ERG: variants seen among roughly 807,000 people sequenced by gnomAD.
The protein encoded by ERG is transcriptional regulator ERG.
In ERG, 9 loss-of-function variants were observed where a neutral mutation model predicts 55.3. That is an observed-to-expected ratio of 0.16 (90% confidence interval 0.10 to 0.28). ERG has a LOEUF of 0.28. Among genes scored for constraint, ERG ranks in the 10% least tolerant of loss-of-function variants. The probability of loss-of-function intolerance (pLI) is 1.00; values close to 1 mark genes in which losing one functional copy is unlikely to be tolerated. For missense variants in ERG, 434 were observed against 631.6 expected, an observed-to-expected ratio of 0.69 and a Z score of 3.35; for synonymous variants, 223 against 237.3, an observed-to-expected ratio of 0.94 and a Z score of 0.55.
intron 1 of ERG, among the ~76,000 whole-genome samples, chr21:38,651,575 A>G: frequency 6.6e-6 from 1 of 152,368 alleles, no homozygotes; most frequent in South Asian, 2.1e-4. Context: ...TATTTTCAGC[A>G]TGTGTTACAT....
At chr21:38,435,726 C>T (rs918478040) in intron 2 of ERG, among the ~76,000 whole-genome samples, 44 of 152,264 alleles carry the variant, frequency 2.9e-4, no homozygotes, top group African/African-American at 9.9e-4. Flanking sequence ...CAGCCAAAAA[C>T]GAATGCCAGC....
At chr21:38,495,683 C>G (rs1487677227) in intron 1 of ERG, among the ~76,000 whole-genome samples, 1 of 152,020 alleles carries the variant, frequency 6.6e-6, no homozygotes, top group Non-Finnish European at 1.5e-5. Context: ...AAGTATTATT[C>G]TGAGAAAGGA....
At chr21:38,454,204 CT>C (rs2058967226) in intron 1 of ERG, among the ~76,000 whole-genome samples, 1 of 152,042 alleles carries the variant, frequency 6.6e-6, no homozygotes, top group South Asian at 2.1e-4. Flanking sequence ...TTTTTCTTTG[CT>C]TTTTTTAATC....
chr21:38,659,578 A>G (rs930220301), intron 1 of ERG, among the ~76,000 whole-genome samples: 14 of 152,394 alleles, frequency 9.2e-5, no homozygotes, highest in Admixed American at 7.2e-4. Context: ...TATGTCACCC[A>G]GGGAAGAATA....
chr21:38,576,013 A>G (rs996304813), intron 1 of ERG, among the ~76,000 whole-genome samples: 6 of 152,250 alleles, frequency 3.9e-5, no homozygotes, highest in Non-Finnish European at 8.8e-5. Flanking sequence ...GCTAACCCAC[A>G]TCACATGCAG....
At chr21:38,640,708 T>C (rs2060419142) in intron 1 of ERG, among the ~76,000 whole-genome samples, 1 of 152,210 alleles carries the variant, frequency 6.6e-6, no homozygotes, top group Non-Finnish European at 1.5e-5. Context: ...TCTTTTTCTT[T>C]ATAAACTACC....
rs764222528 is a variant in ERG at position 38,498,317 on chromosome 21, T to A, written c.18+46A>T. On this transcript the variant is annotated intron_variant, in intron 1 of 9. Coordinates refer to ENST00000288319, the MANE Select transcript of ERG (RefSeq NM_182918.4). This position sits in a 1 kb window ranked among gnomAD's most constrained non-coding sequence, Gnocchi z 4.6. ...TGATAAAGGAAACCAAAGAAAAGAG[T>A]AACAAGAACAAGATTTTGTCAAATT... The A allele has an allele frequency of 6.4e-7, 1 of 1,562,560 alleles. No homozygotes were observed. Among genetic ancestry groups the A allele is most frequent in the South Asian group, 1.1e-5 (1 of 88,362 alleles).
intron 1 of ERG, among the ~76,000 whole-genome samples, chr21:38,496,746 A>G (rs550251764): frequency 2.6e-5 from 4 of 152,352 alleles, no homozygotes; most frequent in African/African-American, 9.6e-5. Flanking sequence ...TCATAAATGT[A>G]TACTTCAAAT....
rs2059979278 is a variant in ERG, at chr21:38,573,935, T to C, written c.-41+1727A>G. Among the ~76,000 whole-genome samples the C allele has an allele frequency of 2.0e-5, 3 of 152,252 alleles. No individual in the cohort carries two copies. In the South Asian group the frequency reaches 6.2e-4, roughly 31 times the overall value. On this transcript the variant is annotated intron_variant, in intron 2 of 8. Coordinates refer to the ERG transcript ENST00000398897. The stretch of plus-strand genomic sequence containing the variant: ...CATAGTTCATTCCTGAAATCAAATA[T>C]AGAACGTTTCTACCAACACACATTT...
chr21:38,561,519 A>T (rs1361468931), intron 2 of ERG, among the ~76,000 whole-genome samples: 1 of 152,088 alleles, frequency 6.6e-6, no homozygotes, highest in Non-Finnish European at 1.5e-5. Flanking sequence ...TTTTCAAACA[A>T]CACAAGTCAG....
chr21:38,432,513 T>C (rs916291994), intron 2 of ERG, among the ~76,000 whole-genome samples: 4 of 152,254 alleles, frequency 2.6e-5, no homozygotes, highest in African/African-American at 9.6e-5. Context: ...AGTTGGTTAA[T>C]CTTCCAACCA....
intron 2 of ERG, among the ~76,000 whole-genome samples, chr21:38,530,099 G>A (rs1252173488): frequency 1.3e-5 from 2 of 152,126 alleles, no homozygotes; most frequent in African/African-American, 4.8e-5. Context: ...TTGCTCTGTT[G>A]CCTGAGCTGG....
intron 1 of ERG, among the ~76,000 whole-genome samples, chr21:38,636,116 C>T (rs995728630): frequency 6.6e-6 from 1 of 152,142 alleles, no homozygotes; most frequent in African/African-American, 2.4e-5. Flanking sequence ...TTATCTGGGG[C>T]TTTTCCCCCT....
At chr21:38,495,796 T>C (rs1456719690) in intron 1 of ERG, among the ~76,000 whole-genome samples, 2 of 152,018 alleles carry the variant, frequency 1.3e-5, no homozygotes, top group African/African-American at 4.8e-5. Flanking sequence ...TGAAGCACAA[T>C]CGAGTTTTCA....
chr21:38,371,084 G>A, the ERG span, among the ~76,000 whole-genome samples: 1 of 151,858 alleles, frequency 6.6e-6, no homozygotes, highest in African/African-American at 2.4e-5. Flanking sequence ...TGTCTTTAAT[G>A]TTTTTAAATG....
In ERG at chr21:38,610,521, A is replaced by ACG. The variant is rs761784631; in HGVS notation, c.-149-25578_-149-25577dup. Reference sequence around the variant, plus strand: ...TGATACTAGTAGTCCACGTGCGCGCACGCGCGTGTGTGTGTGTGTGTGTGT... The same window carrying ACG: ...TGATACTAGTAGTCCACGTGCGCGCACGCGCGCGTGTGTGTGTGTGTGTGTGT... On this transcript the variant is annotated intron_variant, in intron 1 of 10. Transcript: ENST00000398910. Among the ~76,000 whole-genome samples, 131 of 124,640 alleles carry ACG rather than the reference A, an allele frequency of 1.1e-3. 3 individuals are homozygous for ACG. The East Asian group carries it at 0.021, about 20-fold the overall frequency. 81.8% of individuals were successfully genotyped at this position (124,640 alleles called of 152,430 possible).
intron 2 of ERG, among the ~76,000 whole-genome samples, chr21:38,524,788 A>T (rs2059618745): frequency 3.3e-5 from 5 of 152,230 alleles, no homozygotes. Context: ...AGCCAGAAAC[A>T]GTAACAGTGT....
Position 38,381,023 on chromosome 21 carries a change from C to A in ERG, c.*2380G>T. The A allele has an allele frequency of 9.4e-7, 1 of 1,064,252 alleles. No homozygotes were observed. Among genetic ancestry groups the A allele is most frequent in the South Asian group, 4.6e-5 (1 of 21,966 alleles). 65.9% of individuals were successfully genotyped at this position (1,064,252 alleles called of 1,614,324 possible). On this transcript the variant is annotated 3_prime_UTR_variant, in exon 10 of 10. Coordinates refer to ENST00000288319, the MANE Select transcript of ERG (RefSeq NM_182918.4). ...TTTATTTATTTTCCCTAAGGAGATA[C>A]GGGCACTTTGTGGGCCTTCCCAGGC...
intron 2 of ERG, among the ~76,000 whole-genome samples, chr21:38,572,757 T>A (rs1232451399): frequency 1.3e-5 from 2 of 152,188 alleles, no homozygotes; most frequent in Non-Finnish European, 2.9e-5. Context: ...CTCTCAGTTA[T>A]GATTTCTCAA....
Sources: gnomAD v4.1 joint callset for allele counts (sites outside exome capture counted in the v4.1 genomes callset) on GRCh38, gnomAD v4.1.1 for gene constraint, Gnocchi (gnomAD v3.1) non-coding constraint, MANE v1.5 for transcripts, NCBI Gene and HGNC (gene_info 2026-07-23, HGNC 2026-07-21) for gene names.